Variants in PKN2 observed in about 807,000 individuals in gnomAD.
PKN2 encodes the protein serine/threonine-protein kinase N2.
PKN2 carries 38 observed loss-of-function variants against 119.1 expected under a neutral mutation model. That is an observed-to-expected ratio of 0.32 (90% confidence interval 0.25 to 0.42). The LOEUF (loss-of-function observed/expected upper bound fraction) is 0.42, where lower values mean the gene tolerates loss of function less well. Ranked by LOEUF, PKN2 falls within the 10% of genes least tolerant of loss-of-function variation. The pLI, the probability that PKN2 is intolerant of heterozygous loss-of-function variation, is 1.00. For synonymous variants in PKN2, 390 were observed against 384.9 expected (o/e 1.01, Z -0.15); for missense variants, 850 against 1,165.1 (o/e 0.73, Z 3.94).
intron 1 of PKN2, among the ~76,000 whole-genome samples, chr1:88,693,104 C>G (rs558400522): frequency 6.6e-6 from 1 of 152,262 alleles, no homozygotes; most frequent in East Asian, 1.9e-4. Flanking sequence ...ATTATACATA[C>G]ACTTCATCAG....
intron 1 of PKN2, among the ~76,000 whole-genome samples, chr1:88,734,947 AC>A (rs1668278708): frequency 1.4e-5 from 2 of 141,578 alleles, no homozygotes; most frequent in African/African-American, 5.0e-5. Context: ...ATCTTATATT[AC>A]CCATCTCTTG....
chr1:88,708,284 C>G (rs192087151), intron 1 of PKN2, among the ~76,000 whole-genome samples: 2 of 152,118 alleles, frequency 1.3e-5, no homozygotes, highest in East Asian at 3.9e-4. Flanking sequence ...AACTGGTTCT[C>G]TATAGGTTTT....
intron 19 of PKN2, among the ~76,000 whole-genome samples, chr1:88,831,839 AT>A (rs1672742604): frequency 6.6e-6 from 1 of 152,032 alleles, no homozygotes; most frequent in Non-Finnish European, 1.5e-5. Flanking sequence ...ATATTTAGAC[AT>A]TTGTTTCCTG....
At chr1:88,748,852 T>C (rs1668876337) in intron 2 of PKN2, among the ~76,000 whole-genome samples, 1 of 152,138 alleles carries the variant, frequency 6.6e-6, no homozygotes, top group African/African-American at 2.4e-5. Flanking sequence ...GGAGTATTAC[T>C]TGAGCCTGAG....
At chr1:88,804,577 A>T in intron 9 of PKN2, 43 bp downstream of exon 9, 1 of 1,544,382 alleles carries the variant, frequency 6.5e-7, no homozygotes, top group Non-Finnish European at 8.9e-7. Flanking sequence ...TACAATTGAA[A>T]TTACATATGT....
intron 2 of PKN2, among the ~76,000 whole-genome samples, chr1:88,758,572 C>T (rs911923139): frequency 2.0e-5 from 3 of 152,108 alleles, no homozygotes; most frequent in Non-Finnish European, 4.4e-5. Flanking sequence ...TGTTGTTCTC[C>T]TCTATGTGTC....
In PKN2 at chr1:88,804,675, T is replaced by C. The variant is rs1020836590; in HGVS notation, c.1425+141T>C. 8 of 857,876 alleles carry C rather than the reference T, an allele frequency of 9.3e-6. No homozygotes were observed. In the Admixed American group the frequency reaches 1.8e-4, roughly 20 times the overall value. 53.1% of individuals were successfully genotyped at this position (857,876 alleles called of 1,614,324 possible). On this transcript the variant is annotated intron_variant, in intron 9 of 21. Transcript: ENST00000370521. ...GCTGAGCTATGCCACTGAATAGGTA[T>C]GTGACTTTGAGACAAATCAATTATT...
chr1:88,805,711 A>G, intron 11 of PKN2, 40 bp downstream of exon 11: 1 of 1,607,996 alleles, frequency 6.2e-7, no homozygotes, highest in Non-Finnish European at 8.5e-7. Context: ...ATACAAAGTT[A>G]TTGGGACATT....
chr1:88,710,011 A>G (rs1419601656), intron 1 of PKN2, among the ~76,000 whole-genome samples: 4 of 152,172 alleles, frequency 2.6e-5, no homozygotes, highest in Admixed American at 2.6e-4. Context: ...CATCAAAAGA[A>G]ATAGGGAGAC....
At chr1:88,750,190 C>T (rs1668932617) in intron 2 of PKN2, among the ~76,000 whole-genome samples, 2 of 152,108 alleles carry the variant, frequency 1.3e-5, no homozygotes, top group African/African-American at 4.8e-5. Flanking sequence ...GAACATGAAA[C>T]CCCATTTGGA....
chr1:88,769,367 A>C (rs1377175213), intron 3 of PKN2, among the ~76,000 whole-genome samples: 1 of 152,196 alleles, frequency 6.6e-6, no homozygotes, highest in South Asian at 2.1e-4. Context: ...CACAATTGCT[A>C]TCTGTGATTA....
chr1:88,767,003 A>G (rs748553821), intron 3 of PKN2, among the ~76,000 whole-genome samples: 3 of 152,182 alleles, frequency 2.0e-5, no homozygotes, highest in Non-Finnish European at 4.4e-5. Flanking sequence ...AAGAAGTAAA[A>G]TGATGGAACT....
chr1:88,762,535 A>G (rs1333243825), intron 3 of PKN2, among the ~76,000 whole-genome samples: 3 of 152,224 alleles, frequency 2.0e-5, no homozygotes, highest in Non-Finnish European at 2.9e-5. Flanking sequence ...TAATTTATTC[A>G]TTAAGGATTT....
chr1:88,820,821 C>G (rs1208936992), intron 16 of PKN2, among the ~76,000 whole-genome samples: 5 of 152,082 alleles, frequency 3.3e-5, no homozygotes, highest in African/African-American at 4.8e-5. Flanking sequence ...TCCTAAGGGT[C>G]TGTTCATAGG....
At chr1:88,723,365 G>A (rs776506252) in intron 1 of PKN2, among the ~76,000 whole-genome samples, 3 of 151,582 alleles carry the variant, frequency 2.0e-5, no homozygotes, top group Admixed American at 6.6e-5. Flanking sequence ...CACCCACCTC[G>A]GCCTCCTAAA....
Position 88,807,431 on chromosome 1 carries a change from T to G in PKN2, c.1922T>G (p.Leu641Arg). 1 of 1,610,562 alleles carries G rather than the reference T, an allele frequency of 6.2e-7. No individual in the cohort carries two copies. The highest frequency in any genetic ancestry group is 8.5e-7 in the Non-Finnish European group (1 of 1,178,706). The change falls in exon 13 of 22, where the codon CTT (leucine) becomes CGT (arginine). Residue 641 changes from leucine to arginine, a missense_variant. Physicochemically the swap from Leu to Arg is moderately radical, Grantham distance 102. Coordinates refer to ENST00000370521, the MANE Select transcript of PKN2 (RefSeq NM_006256.4). ...CTAGAATATAGTGGTATTCAAGAAC[T>G]TGAGGACAGAAGGTAAAGAATATAT... ...SGLEYSGIQELEDRRSQQRFQ... is the reference protein window; with the variant it reads ...SGLEYSGIQEREDRRSQQRFQ...
chr1:88,831,530 G>A (rs188232989), intron 19 of PKN2, among the ~76,000 whole-genome samples: 1 of 152,062 alleles, frequency 6.6e-6, no homozygotes, highest in Non-Finnish European at 1.5e-5. Context: ...TGTATTTTGA[G>A]TGAGTGAATG....
intron 3 of PKN2, among the ~76,000 whole-genome samples, chr1:88,762,573 C>T (rs187173493): frequency 2.0e-5 from 3 of 152,208 alleles, no homozygotes; most frequent in Admixed American, 6.5e-5. Flanking sequence ...CCATTATGCT[C>T]GGCTCTGGGG....
At chr1:88,777,410 A>C (rs968207989) in intron 6 of PKN2, among the ~76,000 whole-genome samples, 1 of 152,024 alleles carries the variant, frequency 6.6e-6, no homozygotes, top group African/African-American at 2.4e-5. Context: ...AGTTTCTGTT[A>C]ATTTCTTTTT....
Sources: gnomAD v4.1 joint callset for allele counts (sites outside exome capture counted in the v4.1 genomes callset) on GRCh38, gnomAD v4.1.1 for gene constraint, MANE v1.5 for transcripts, NCBI Gene and HGNC (gene_info 2026-07-23, HGNC 2026-07-21) for gene names.